CNTN5: variants seen among roughly 807,000 people sequenced by gnomAD.
CNTN5 encodes the protein contactin 5.
In CNTN5, 77 loss-of-function variants were observed where a neutral mutation model predicts 129.1. The ratio of observed to expected loss-of-function variants is 0.60; its 90% CI spans 0.50 to 0.72. The LOEUF (loss-of-function observed/expected upper bound fraction) is 0.72. CNTN5 is among the 30% of genes least tolerant of loss of function. The pLI, the probability that CNTN5 is intolerant of heterozygous loss-of-function variation, is 0.00. For synonymous variants in CNTN5, 509 were observed against 465.6 expected (o/e 1.09, Z -1.20); for missense variants, 1,478 against 1,328.8 (o/e 1.11, Z -1.75).
intron 3 of CNTN5, among the ~76,000 whole-genome samples, chr11:99,704,695 T>C (rs1954676940): frequency 6.6e-6 from 1 of 151,280 alleles, no homozygotes; most frequent in Non-Finnish European, 1.5e-5. Context: ...TATCTATATA[T>C]GCATTCTATA....
intron 1 of CNTN5, among the ~76,000 whole-genome samples, chr11:99,116,740 G>A (rs1388548002): frequency 6.6e-6 from 1 of 152,142 alleles, no homozygotes; most frequent in African/African-American, 2.4e-5. Flanking sequence ...TGGGTAGATG[G>A]CAATGCCATT....
chr11:99,802,782 A>C (rs987302776), intron 3 of CNTN5, among the ~76,000 whole-genome samples: 1 of 152,142 alleles, frequency 6.6e-6, no homozygotes, highest in Non-Finnish European at 1.5e-5. Context: ...ATCTCTTCAC[A>C]AAAGAGATGG....
At chr11:99,473,553 AT>A (rs143648621) in intron 2 of CNTN5, among the ~76,000 whole-genome samples, 26 of 149,994 alleles carry the variant, frequency 1.7e-4, no homozygotes, top group Middle Eastern at 3.5e-3. Flanking sequence ...TACTGAAGTG[AT>A]TTTTTTTTTC....
At chr11:99,313,296 A>G (rs1011645020) in intron 1 of CNTN5, among the ~76,000 whole-genome samples, 7 of 152,044 alleles carry the variant, frequency 4.6e-5, no homozygotes, top group Non-Finnish European at 7.4e-5. Context: ...AATCATTGTG[A>G]CCCATTTTCA....
intron 1 of CNTN5, among the ~76,000 whole-genome samples, chr11:99,313,376 T>C (rs920075299): frequency 6.6e-6 from 1 of 152,090 alleles, no homozygotes; most frequent in Non-Finnish European, 1.5e-5. Flanking sequence ...TATTAATACA[T>C]TTTTATTTGA....
chr11:99,807,449 G>A (rs1441967312), intron 3 of CNTN5, among the ~76,000 whole-genome samples: 3 of 152,108 alleles, frequency 2.0e-5, no homozygotes, highest in African/African-American at 7.2e-5. Flanking sequence ...ACACATAATT[G>A]AAATATATAA....
chr11:99,791,898 T>C (rs1256651124), intron 3 of CNTN5, among the ~76,000 whole-genome samples: 1 of 152,184 alleles, frequency 6.6e-6, no homozygotes, highest in Non-Finnish European at 1.5e-5. Context: ...TTGTTTTGGC[T>C]CTCAGATTGG....
At chr11:100,276,040 G>T (rs1454331869) in intron 18 of CNTN5, among the ~76,000 whole-genome samples, 2 of 152,112 alleles carry the variant, frequency 1.3e-5, no homozygotes, top group Admixed American at 6.5e-5. Flanking sequence ...AAATAGAGCT[G>T]CTTGGGAGAA....
intron 1 of CNTN5, among the ~76,000 whole-genome samples, chr11:99,035,065 T>C (rs867096255): frequency 0.013 from 1,901 of 150,632 alleles, 16 homozygotes; most frequent in Non-Finnish European, 0.021. Context: ...TCAGTTTCCA[T>C]GTAGTTGAGC....
intron 6 of CNTN5, among the ~76,000 whole-genome samples, chr11:99,855,340 CTT>C (rs1947999770): frequency 1.3e-5 from 2 of 152,084 alleles, no homozygotes; most frequent in Admixed American, 6.6e-5. Context: ...AACAACAAAA[CTT>C]TGGGTTTTGA....
intron 13 of CNTN5, among the ~76,000 whole-genome samples, chr11:100,166,330 T>C (rs1363045754): frequency 6.6e-6 from 1 of 151,764 alleles, no homozygotes; most frequent in Admixed American, 6.6e-5. Context: ...AGATGATTAC[T>C]GCCCCCGGCA....
At chr11:99,830,716 C>A (rs1259501869) in intron 4 of CNTN5, among the ~76,000 whole-genome samples, 1 of 152,082 alleles carries the variant, frequency 6.6e-6, no homozygotes, top group East Asian at 1.9e-4. Flanking sequence ...TTCATCAAAA[C>A]TTTATGACTT....
chr11:99,579,489 A>G (rs1591308312), intron 3 of CNTN5, among the ~76,000 whole-genome samples: 1 of 149,262 alleles, frequency 6.7e-6, no homozygotes, highest in Non-Finnish European at 1.5e-5. Context: ...ATTGGTTTGT[A>G]TCCTCTTTTA....
chr11:99,529,293 C>T (rs373991706), intron 2 of CNTN5, among the ~76,000 whole-genome samples: 57 of 152,230 alleles, frequency 3.7e-4, no homozygotes, highest in African/African-American at 1.3e-3. Flanking sequence ...TAATGCTTTA[C>T]GAAGTTTCTA....
At chr11:99,930,648 G>A (rs17618560) in intron 7 of CNTN5, among the ~76,000 whole-genome samples, 35,830 of 152,024 alleles carry the variant, frequency 0.24, 4,438 homozygotes, top group Non-Finnish European at 0.27. Context: ...TAGGCCACTT[G>A]TTAACATGTT....
intron 3 of CNTN5, among the ~76,000 whole-genome samples, chr11:99,666,133 GA>G (rs1344150651): frequency 6.6e-6 from 1 of 151,714 alleles, no homozygotes; most frequent in African/African-American, 2.4e-5. Context: ...ACGCCCGGCT[GA>G]TTTTTGTATT....
At chr11:99,934,509 T>C (rs2136086942) in intron 7 of CNTN5, among the ~76,000 whole-genome samples, 1 of 152,304 alleles carries the variant, frequency 6.6e-6, no homozygotes, top group South Asian at 2.1e-4. Context: ...ATTTTCTAAA[T>C]TATTCGTATC....
At position 99,753,118 on chromosome 11, in the gene CNTN5, G is replaced by C. The variant is rs374581898; in HGVS notation, c.56-66426G>C. Reference sequence around the variant, plus strand: ...ATTTATAACATTTTAAGCCATATTTGCTTTTTTTTTTTTTTTTTTTTTGAG... The same window carrying C: ...ATTTATAACATTTTAAGCCATATTTCCTTTTTTTTTTTTTTTTTTTTTGAG... On this transcript the variant is annotated intron_variant, in intron 3 of 24. Transcript: ENST00000524871. Among the ~76,000 whole-genome samples the C allele has an allele frequency of 2.0e-4, 17 of 84,806 alleles. 1 individual carries two copies. The highest frequency in any genetic ancestry group is 3.4e-4 in the Non-Finnish European group (15 of 44,444). 55.6% of individuals were successfully genotyped at this position (84,806 alleles called of 152,430 possible).
intron 3 of CNTN5, among the ~76,000 whole-genome samples, chr11:99,684,793 A>G (rs998838406): frequency 1.3e-5 from 2 of 151,710 alleles, no homozygotes; most frequent in Non-Finnish European, 1.5e-5. Context: ...TGAGGGATCT[A>G]TATTGATGAT....
Sources: allele counts gnomAD v4.1 joint callset (sites outside exome capture counted in the v4.1 genomes callset), GRCh38; gene constraint gnomAD v4.1.1; transcripts MANE v1.5; gene names NCBI Gene and HGNC (gene_info 2026-07-23, HGNC 2026-07-21).